Variants in PLPP4 observed in about 807,000 individuals in gnomAD.
PLPP4 encodes the protein phospholipid phosphatase 4, also known as diacylglycerol pyrophosphate like 2.
PLPP4 carries 20 observed loss-of-function variants against 32.2 expected under a neutral mutation model. The ratio of observed to expected loss-of-function variants is 0.62; its 90% confidence interval spans 0.44 to 0.90. PLPP4 has a LOEUF of 0.90. Ranked by LOEUF, PLPP4 falls within the 40% of genes least tolerant of loss-of-function variation. The probability of loss-of-function intolerance (pLI) is 0.00; values close to 1 mark genes in which losing one functional copy is unlikely to be tolerated. For missense variants in PLPP4, 257 were observed against 353.1 expected (o/e 0.73, Z 2.18); for synonymous variants, 127 against 133.0 (o/e 0.95, Z 0.31).
intron 1 of PLPP4, among the ~76,000 whole-genome samples, chr10:120,473,808 G>A (rs957764594): frequency 7.9e-5 from 12 of 152,000 alleles, no homozygotes; most frequent in Non-Finnish European, 1.6e-4. Context: ...CGATGTGCTC[G>A]CTTCCCCTTT....
chr10:120,590,303 G>A lies in PLPP4; in HGVS notation c.*801G>A, dbSNP rs79216742. ...GCTTTACTTGGCTCTTCTGCAAGAA[G>A]TGATGTGACCGATCTCACAGATCAG... On this transcript the variant is annotated 3_prime_UTR_variant, in exon 7 of 7. Transcript: ENST00000398250. 0.034 allele frequency among the ~76,000 whole-genome samples: 5,207 copies of A among 152,270 alleles called. 140 individuals are homozygous for A. Among genetic ancestry groups the A allele is most frequent in the South Asian group, 0.14 (655 of 4,816 alleles).
chr10:120,463,080 T>C (rs2133774573), intron 1 of PLPP4, among the ~76,000 whole-genome samples: 1 of 143,950 alleles, frequency 6.9e-6, no homozygotes. Flanking sequence ...CTGGAATGAG[T>C]GCAATGGTGC....
chr10:120,589,242 T>C lies in PLPP4; in HGVS notation c.617-61T>C, dbSNP rs1849904814. On this transcript the variant is annotated intron_variant, in intron 6 of 6. Transcript: ENST00000398250. ...AAGGAAAAGTGCTTTCTGGAAAATA[T>C]AATTGGCCACATTTGAACAAATGGT... is the stretch of plus-strand genomic sequence containing the variant. 5.3e-6 allele frequency: 8 copies of C among 1,520,062 alleles called. No homozygotes were observed. The Admixed American group carries it at 8.4e-5, about 16-fold the overall frequency. 94.2% of individuals were successfully genotyped at this position (1,520,062 alleles called of 1,614,324 possible). A position where few individuals can be genotyped will look rare whatever the true frequency, so the allele number is the denominator to read the frequency against.
chr10:120,480,329 T>A (rs1183242612), intron 1 of PLPP4, among the ~76,000 whole-genome samples: 1 of 152,190 alleles, frequency 6.6e-6, no homozygotes, highest in Admixed American at 6.5e-5. Flanking sequence ...TGGATGTGCA[T>A]CTGGTGCAGG....
intron 1 of PLPP4, among the ~76,000 whole-genome samples, chr10:120,478,395 C>T (rs1844032814): frequency 6.6e-6 from 1 of 152,192 alleles, no homozygotes; most frequent in Non-Finnish European, 1.5e-5. Flanking sequence ...AAGCTCACCT[C>T]TTCCAAAACC....
intron 1 of PLPP4, among the ~76,000 whole-genome samples, chr10:120,476,061 C>T (rs930815000): frequency 2.4e-4 from 36 of 152,206 alleles, no homozygotes; most frequent in Non-Finnish European, 1.2e-4. Flanking sequence ...CATGTGCCTG[C>T]ATCACCACTG....
At position 120,582,793 on chromosome 10, in the gene PLPP4, CCCTCCCTCCCTTCCTT is replaced by C. The variant is rs1299688318; in HGVS notation, c.617-6506_617-6491del. Among the ~76,000 whole-genome samples the C allele has an allele frequency of 5.8e-5, 7 of 121,452 alleles. No homozygotes were observed. In the East Asian group the frequency reaches 2.0e-3, roughly 35 times the overall value. 79.7% of individuals were successfully genotyped at this position (121,452 alleles called of 152,430 possible). A position where few individuals can be genotyped will look rare whatever the true frequency, so the allele number is the denominator to read the frequency against. On this transcript the variant is annotated intron_variant, in intron 6 of 6. Transcript: ENST00000398250. ...TCCCTTCCTCCCTCCCTCCCTCCCT[CCCTCCCTCCCTTCCTT>C]CCTTCCTTCCTTCTCTCCTTTCTTC...
At chr10:120,519,359 C>A (rs1846060079) in intron 4 of PLPP4, among the ~76,000 whole-genome samples, 2 of 152,042 alleles carry the variant, frequency 1.3e-5, no homozygotes, top group Non-Finnish European at 2.9e-5. Context: ...TCTCTTCTGA[C>A]TGCTCTGGTG....
intron 3 of PLPP4, among the ~76,000 whole-genome samples, chr10:120,518,333 A>G (rs923064451): frequency 1.3e-5 from 2 of 152,196 alleles, no homozygotes; most frequent in Non-Finnish European, 2.9e-5. Context: ...TTGTTTGATA[A>G]CAAATGGACA....
At chr10:120,499,482 C>T (rs982418699) in intron 1 of PLPP4, among the ~76,000 whole-genome samples, 2 of 151,948 alleles carry the variant, frequency 1.3e-5, no homozygotes, top group African/African-American at 4.8e-5. Flanking sequence ...GACCCACCTT[C>T]TACCACAGTC....
chr10:120,542,850 G>A (rs1022955), intron 5 of PLPP4, among the ~76,000 whole-genome samples: 29,564 of 152,090 alleles, frequency 0.19, 2,935 homozygotes, highest in Admixed American at 0.22. Flanking sequence ...AAAAGATGGC[G>A]TCATCTTCCA....
intron 5 of PLPP4, among the ~76,000 whole-genome samples, chr10:120,521,872 C>T (rs751832033): frequency 1.1e-4 from 16 of 152,202 alleles, no homozygotes; most frequent in African/African-American, 3.4e-4. Flanking sequence ...ATATGTAAAG[C>T]GCTTAGTATT....
chr10:120,506,647 C>T (rs922655366), intron 2 of PLPP4, among the ~76,000 whole-genome samples: 1 of 152,146 alleles, frequency 6.6e-6, no homozygotes, highest in East Asian at 1.9e-4. Flanking sequence ...ATAATGAATG[C>T]TTCTAGAGTC....
intron 1 of PLPP4, among the ~76,000 whole-genome samples, chr10:120,496,660 T>C (rs1844977074): frequency 6.6e-6 from 1 of 152,196 alleles, no homozygotes; most frequent in African/African-American, 2.4e-5. Flanking sequence ...ACCATATTTG[T>C]ATTCACCAGT....
Position 120,575,205 on chromosome 10 carries a change from G to A in PLPP4, c.520G>A (p.Gly174Arg). The A allele has an allele frequency of 1.2e-6, 2 of 1,614,038 alleles. No individual in the cohort carries two copies. Among genetic ancestry groups the A allele is most frequent in the Non-Finnish European group, 1.7e-6 (2 of 1,180,052 alleles). ...GCACTGCTTCACCGAGAGTGGGCGG[G>A]GAAAGAGCTGGCGGCTCTGTGCTGC... ...KLHCFTESGR[G>R]KSWRLCAAIL... The change falls in exon 6 of 7, where the codon GGA becomes AGA. Residue 174 changes from glycine to arginine, a missense_variant. Physicochemically the swap from Gly to Arg is moderately radical, Grantham distance 125. Transcript: ENST00000398250.
intron 5 of PLPP4, among the ~76,000 whole-genome samples, chr10:120,550,667 A>G (rs1847853898): frequency 6.6e-6 from 1 of 152,038 alleles, no homozygotes; most frequent in Non-Finnish European, 1.5e-5. Flanking sequence ...TGGAAAGATT[A>G]AAATCAATGA....
rs550493772 is a variant in PLPP4, at chr10:120,563,769, C to T, written c.446-11362C>T. Among the ~76,000 whole-genome samples, 5 of 111,046 alleles carry T rather than the reference C, an allele frequency of 4.5e-5. 1 individual carries two copies. In the East Asian group the frequency reaches 7.8e-4, roughly 17 times the overall value. 72.9% of individuals were successfully genotyped at this position (111,046 alleles called of 152,430 possible). A position where few individuals can be genotyped will look rare whatever the true frequency, so the allele number is the denominator to read the frequency against. ...GAGCCGAGATTGCGCCACTGCAGTCCGCAGTCCGGCCTGGGCGACAGAGCG... is the reference window on the plus strand; with the variant it reads ...GAGCCGAGATTGCGCCACTGCAGTCTGCAGTCCGGCCTGGGCGACAGAGCG... On this transcript the variant is annotated intron_variant, in intron 5 of 6. Transcript: ENST00000398250.
At chr10:120,553,862 ATTC>A (rs1848026275) in intron 5 of PLPP4, among the ~76,000 whole-genome samples, 2 of 152,172 alleles carry the variant, frequency 1.3e-5, no homozygotes, top group Admixed American at 1.3e-4. Context: ...ACGAGAAACT[ATTC>A]TTCTCTCCTA....
At chr10:120,541,214 C>T (rs2133961386) in intron 5 of PLPP4, among the ~76,000 whole-genome samples, 1 of 152,266 alleles carries the variant, frequency 6.6e-6, no homozygotes, top group African/African-American at 2.4e-5. Flanking sequence ...GACCTGGTTC[C>T]ATGACTTAGT....
Sources: gnomAD v4.1 joint callset for allele counts (sites outside exome capture counted in the v4.1 genomes callset) on GRCh38, gnomAD v4.1.1 for gene constraint, MANE v1.5 for transcripts, NCBI Gene and HGNC (gene_info 2026-07-23, HGNC 2026-07-21) for gene names.